The following COL22A1 variants were observed in gnomAD, a reference collection of about 807,000 sequenced individuals.
COL22A1 encodes collagen type XXII alpha 1 chain.
In COL22A1, 221 loss-of-function variants were observed where a neutral mutation model predicts 248.9. That is an observed-to-expected ratio of 0.89 (90% CI 0.80 to 0.99). The LOEUF is 0.99. Ranked by LOEUF, COL22A1 falls within the 50% of genes least tolerant of loss-of-function variation. The probability of loss-of-function intolerance (pLI) is 0.00; values close to 1 mark genes in which losing one functional copy is unlikely to be tolerated. For missense variants in COL22A1, 2,240 were observed against 2,179.0 expected (o/e 1.03, Z -0.56); for synonymous variants, 891 against 793.4 (o/e 1.12, Z -2.07).
intron 41 of COL22A1, among the ~76,000 whole-genome samples, chr8:138,666,102 T>C (rs1342952441): frequency 6.6e-6 from 1 of 152,200 alleles, no homozygotes; most frequent in African/African-American, 2.4e-5. Flanking sequence ...TCACAATAAA[T>C]TTCTGAAATT....
At chr8:138,727,703 T>C (rs1334898473) in intron 23 of COL22A1, among the ~76,000 whole-genome samples, 2 of 152,080 alleles carry the variant, frequency 1.3e-5, no homozygotes, top group Non-Finnish European at 2.9e-5. Flanking sequence ...CTGGACCTAG[T>C]TTTCTCGGCA....
At chr8:138,598,212 C>T (rs1438468503) in intron 61 of COL22A1, among the ~76,000 whole-genome samples, 22 of 151,460 alleles carry the variant, frequency 1.5e-4, no homozygotes. Flanking sequence ...TCTAAATAAG[C>T]CCTTGTTCCC....
intron 27 of COL22A1, among the ~76,000 whole-genome samples, chr8:138,717,298 C>T (rs1829518339): frequency 6.6e-6 from 1 of 152,040 alleles, no homozygotes; most frequent in Admixed American, 6.6e-5. Flanking sequence ...CAGGTGCCTG[C>T]CACCACGCCC....
rs1825800937 is a variant in COL22A1 at position 138,679,484 on chromosome 8, C to T, written c.3072+133G>A. ...ATTTCCCCTTGTCTGGGATCTTCTT[C>T]CATCCATGTTCTAAGCTTCCAAAGC... On this transcript the variant is annotated intron_variant, in intron 40 of 64. Transcript: ENST00000303045. 4.0e-6 allele frequency: 3 copies of T among 752,846 alleles called. No homozygotes were observed. The Admixed American group carries it at 6.0e-5, about 15-fold the overall frequency. The allele number at this position is 752,846 out of a possible 1,614,324, so 46.6% of individuals were successfully genotyped here. A position where few individuals can be genotyped will look rare whatever the true frequency, so the allele number is the denominator to read the frequency against.
At chr8:138,628,788 CAG>C (rs1820470022) in intron 50 of COL22A1, among the ~76,000 whole-genome samples, 1 of 130,510 alleles carries the variant, frequency 7.7e-6, no homozygotes. Context: ...TTTTTTGAGA[CAG>C]AGTCTCACTC....
At chr8:138,616,466 G>A (rs924883946) in intron 54 of COL22A1, among the ~76,000 whole-genome samples, 1 of 152,188 alleles carries the variant, frequency 6.6e-6, no homozygotes, top group African/African-American at 2.4e-5. Flanking sequence ...TTCAGAGGAG[G>A]CAGAGGAGTT....
chr8:138,634,914 G>A (rs943180426), intron 49 of COL22A1, 96 bp downstream of exon 49: 6 of 867,514 alleles, frequency 6.9e-6, no homozygotes, highest in Non-Finnish European at 1.1e-5. Context: ...CCCTTAAAAT[G>A]AGAGATATGC....
chr8:138,592,809 T>C (rs565285525), intron 63 of COL22A1, among the ~76,000 whole-genome samples: 1 of 152,324 alleles, frequency 6.6e-6, no homozygotes, highest in East Asian at 1.9e-4. Flanking sequence ...ATTCAAAAAT[T>C]ATTATTAATT....
intron 22 of COL22A1, among the ~76,000 whole-genome samples, chr8:138,745,825 A>T (rs1451220398): frequency 6.6e-6 from 1 of 152,172 alleles, no homozygotes; most frequent in Non-Finnish European, 1.5e-5. Flanking sequence ...CCGCCAAAAC[A>T]TTCAGGATTC....
At chr8:138,697,343 G>T (rs560642474) in intron 32 of COL22A1, among the ~76,000 whole-genome samples, 98 of 152,308 alleles carry the variant, frequency 6.4e-4, no homozygotes, top group East Asian at 1.2e-3. Flanking sequence ...GCAGGGTGAG[G>T]GGGTAGAATC....
chr8:138,816,493 A>C (rs1324186876), intron 7 of COL22A1, among the ~76,000 whole-genome samples: 1 of 152,144 alleles, frequency 6.6e-6, no homozygotes, highest in East Asian at 1.9e-4. Context: ...TCCGTATCCC[A>C]CCCATCAGCA....
intron 27 of COL22A1, 86 bp from the exon 28 acceptor site, chr8:138,716,955 T>C (rs2131101791): frequency 1.0e-6 from 1 of 990,798 alleles, no homozygotes; most frequent in South Asian, 1.3e-5. Flanking sequence ...CACACATTCA[T>C]AGCACCTGCC....
intron 12 of COL22A1, among the ~76,000 whole-genome samples, chr8:138,793,348 T>G (rs1386257016): frequency 6.6e-6 from 1 of 152,140 alleles, no homozygotes; most frequent in Non-Finnish European, 1.5e-5. Context: ...AGTAGAGACT[T>G]CAAGTTACAG....
chr8:138,762,122 T>C (rs1269779411), intron 17 of COL22A1, among the ~76,000 whole-genome samples: 2 of 152,214 alleles, frequency 1.3e-5, no homozygotes, highest in Non-Finnish European at 2.9e-5. Flanking sequence ...GAGCGCTGCT[T>C]ACACACATCA....
intron 1 of COL22A1, among the ~76,000 whole-genome samples, chr8:138,904,823 T>A (rs1814893246): frequency 6.6e-6 from 1 of 152,176 alleles, no homozygotes; most frequent in Admixed American, 6.5e-5. Flanking sequence ...CTCCCCTTTT[T>A]CTGGGAGAGA....
intron 25 of COL22A1, among the ~76,000 whole-genome samples, chr8:138,723,421 C>G (rs79242428): frequency 0.068 from 10,396 of 152,204 alleles, 506 homozygotes; most frequent in Non-Finnish European, 0.11. Flanking sequence ...GAGCAAATGC[C>G]AAGGCCAGAA....
chr8:138,855,663 G>A (rs1325452794), intron 3 of COL22A1, among the ~76,000 whole-genome samples: 1 of 152,190 alleles, frequency 6.6e-6, no homozygotes, highest in Non-Finnish European at 1.5e-5. Context: ...CTTCTGAGGA[G>A]GCCATGCCCT....
chr8:138,647,658 G>T (rs1400348110), intron 46 of COL22A1, among the ~76,000 whole-genome samples: 1 of 152,086 alleles, frequency 6.6e-6, no homozygotes, highest in African/African-American at 2.4e-5. Flanking sequence ...TCAGCTGCTT[G>T]ACTCTGAGAA....
intron 42 of COL22A1, among the ~76,000 whole-genome samples, chr8:138,662,399 C>A (rs534813709): frequency 1.3e-5 from 2 of 152,196 alleles, no homozygotes; most frequent in South Asian, 4.1e-4. Flanking sequence ...GAGCTCAAAC[C>A]CTGGCTCACT....
Sources: allele counts gnomAD v4.1 joint callset (sites outside exome capture counted in the v4.1 genomes callset), GRCh38; gene constraint gnomAD v4.1.1; transcripts MANE v1.5; gene names NCBI Gene and HGNC (gene_info 2026-07-23, HGNC 2026-07-21).